The following ANKRD28 variants were observed in gnomAD, a reference collection of about 807,000 sequenced individuals.
The protein encoded by ANKRD28 is ankyrin repeat domain 28.
A neutral mutation model predicts 126.5 loss-of-function variants in ANKRD28; 44 were observed. The observed-to-expected ratio is 0.35, with a 90% CI of 0.27 to 0.45. The LOEUF is 0.45. ANKRD28 is among the 20% of genes least tolerant of loss of function. The pLI, the probability that ANKRD28 is intolerant of heterozygous loss-of-function variation, is 1.00. For missense variants in ANKRD28, 1,110 were observed against 1,316.6 expected (o/e 0.84, Z 2.43); for synonymous variants, 442 against 468.5 (o/e 0.94, Z 0.73).
At chr3:15,855,514 A>C (rs894891725) in intron 1 of ANKRD28, among the ~76,000 whole-genome samples, 2 of 152,228 alleles carry the variant, frequency 1.3e-5, no homozygotes, top group Non-Finnish European at 2.9e-5. Context: ...ACAGAAATAA[A>C]TACTATCCCA....
At chr3:15,780,944 AT>A (rs1296711027) in intron 2 of ANKRD28, among the ~76,000 whole-genome samples, 1 of 152,108 alleles carries the variant, frequency 6.6e-6, no homozygotes, top group African/African-American at 2.4e-5. Context: ...AGACTTAAAT[AT>A]AAGACCTGAA....
At chr3:15,858,123 T>TACTGTATGTCTACTGAGCTAC (rs1427207059) in intron 1 of ANKRD28, among the ~76,000 whole-genome samples, 17 of 152,238 alleles carry the variant, frequency 1.1e-4, no homozygotes, top group African/African-American at 3.9e-4. Flanking sequence ...AGCCAATAGC[T>TACTGTATGTCTACTGAGCTAC]ACATATGTCT....
chr3:15,751,919 T>C, intron 3 of ANKRD28, 99 bp from the exon 4 acceptor site: 2 of 772,522 alleles, frequency 2.6e-6, no homozygotes, highest in Non-Finnish European at 3.9e-6. Context: ...ATTGGATAAA[T>C]GACAATTGAA....
intron 6 of ANKRD28, among the ~76,000 whole-genome samples, chr3:15,727,437 G>A (rs995125623): frequency 6.6e-6 from 1 of 151,558 alleles, no homozygotes; most frequent in Admixed American, 6.6e-5. Flanking sequence ...TGTGGTGGCG[G>A]GTGCCTGTAA....
rs747418032 is a variant in ANKRD28 at position 15,814,325 on chromosome 3, G to C, written c.28-19019C>G. 2.4e-6 allele frequency: 3 copies of C among 1,265,686 alleles called. No homozygotes were observed. Among genetic ancestry groups the C allele is most frequent in the Non-Finnish European group, 3.1e-6 (3 of 976,642 alleles). 78.4% of individuals were successfully genotyped at this position (1,265,686 alleles called of 1,614,324 possible). ...AATCACAGGCCTGTAGCAGAAAACA[G>C]ATATCAAAAGAAAGAATACGCTGAT... On this transcript the variant is annotated intron_variant, in intron 1 of 27. Coordinates refer to the ANKRD28 transcript ENST00000399451. This position sits in a 1 kb window ranked among gnomAD's most constrained non-coding sequence, Gnocchi z 4.7.
chr3:15,818,062 A>C (rs9827433), intron 1 of ANKRD28, among the ~76,000 whole-genome samples: 102,550 of 151,944 alleles, frequency 0.67, 35,156 homozygotes, highest in East Asian at 0.93. Flanking sequence ...TGTACAGATT[A>C]TGTATGCTGA....
At chr3:15,693,293 CA>C (rs2125857479) in intron 17 of ANKRD28, among the ~76,000 whole-genome samples, 1 of 151,752 alleles carries the variant, frequency 6.6e-6, no homozygotes, top group Admixed American at 6.6e-5. Flanking sequence ...TATACACATA[CA>C]AAATCTCTGA....
At chr3:15,750,967 T>G (rs7647752) in intron 4 of ANKRD28, among the ~76,000 whole-genome samples, 123,818 of 151,858 alleles carry the variant, frequency 0.82, 50,610 homozygotes, top group East Asian at 0.93. Context: ...GTAGGTAAAA[T>G]GGGTACTTTG....
Position 15,846,316 on chromosome 3 carries a change from C to T in ANKRD28, c.27+13061G>A, listed in dbSNP as rs569103752. Among the ~76,000 whole-genome samples the T allele has an allele frequency of 6.6e-6, 1 of 152,352 alleles. No homozygotes were observed. Among genetic ancestry groups the T allele is most frequent in the South Asian group, 2.1e-4 (1 of 4,828 alleles). On this transcript the variant is annotated intron_variant, in intron 1 of 27. Coordinates refer to the ANKRD28 transcript ENST00000399451. The surrounding 1 kb of genome is among the most constrained non-coding windows in gnomAD (Gnocchi z 5.4). ...ACTGGCCCCATGCAAGTCTGAAACCCAGCAAGGCAGTCATTAAATCTTAAA... is the reference window on the plus strand; with the variant it reads ...ACTGGCCCCATGCAAGTCTGAAACCTAGCAAGGCAGTCATTAAATCTTAAA...
chr3:15,703,587 T>C (rs915683091), intron 14 of ANKRD28, among the ~76,000 whole-genome samples: 4 of 152,254 alleles, frequency 2.6e-5, no homozygotes, highest in Non-Finnish European at 5.9e-5. Context: ...TGCTGGTGCC[T>C]TGATATTCTT....
intron 3 of ANKRD28, among the ~76,000 whole-genome samples, chr3:15,754,081 T>C (rs959704495): frequency 6.6e-6 from 1 of 152,238 alleles, no homozygotes; most frequent in Non-Finnish European, 1.5e-5. Context: ...ATAATTATTT[T>C]TATCTTATCA....
At chr3:15,826,443 A>G (rs556203146) in intron 1 of ANKRD28, among the ~76,000 whole-genome samples, 8 of 152,324 alleles carry the variant, frequency 5.3e-5, no homozygotes, top group African/African-American at 1.9e-4. Context: ...ATTTTAGAAA[A>G]CATAACAGTA....
chr3:15,731,707 G>T (rs1016075815), intron 6 of ANKRD28, among the ~76,000 whole-genome samples: 3 of 151,820 alleles, frequency 2.0e-5, no homozygotes, highest in Non-Finnish European at 2.9e-5. Context: ...AAAATTAGCT[G>T]GGCGTGGTGG....
chr3:15,780,058 C>T (rs2059472326), intron 2 of ANKRD28, among the ~76,000 whole-genome samples: 1 of 152,140 alleles, frequency 6.6e-6, no homozygotes, highest in Non-Finnish European at 1.5e-5. Flanking sequence ...CACCATAGTG[C>T]TGCAAGTCCT....
intron 1 of ANKRD28, among the ~76,000 whole-genome samples, chr3:15,809,386 G>C (rs913484928): frequency 7.2e-5 from 11 of 152,110 alleles, no homozygotes; most frequent in African/African-American, 2.4e-4. Context: ...CCTTTAAGGA[G>C]AGTCTCTGGT....
At chr3:15,720,037 T>C (rs2073530237) in intron 8 of ANKRD28, among the ~76,000 whole-genome samples, 1 of 151,996 alleles carries the variant, frequency 6.6e-6, no homozygotes, top group African/African-American at 2.4e-5. Context: ...GCCAAGCTCA[T>C]TTTCTATTTT....
Position 15,678,352 on chromosome 3 carries a change from G to A in ANKRD28, c.2564C>T (p.Thr855Ile), listed in dbSNP as rs1223654217. The A allele has an allele frequency of 1.3e-6, 2 of 1,588,690 alleles. No homozygotes were observed. Among genetic ancestry groups the A allele is most frequent in the Admixed American group, 1.9e-5 (1 of 53,942 alleles). The part of the protein sequence containing the change: ...IVNATDSKGR[T>I]PLHAAAFTDH... ...TGTGAAGGCGGCTGCATGGAGAGGAGTTCTGTGATAAAGAAAAATTGAAAT... is the reference window on the plus strand; with the variant it reads ...TGTGAAGGCGGCTGCATGGAGAGGAATTCTGTGATAAAGAAAAATTGAAAT... Residue 855 changes from threonine (T) to isoleucine (I), a missense_variant and splice_region_variant, in exon 24 of 28, where the codon ACT becomes ATT. Physicochemically the swap from Thr to Ile is moderately conservative, Grantham distance 89 (BLOSUM62 -1). Transcript: ENST00000683139.
chr3:15,844,470 A>T (rs2061489098), intron 1 of ANKRD28, among the ~76,000 whole-genome samples: 1 of 152,108 alleles, frequency 6.6e-6, no homozygotes, highest in Non-Finnish European at 1.5e-5. Context: ...AAAACACCTC[A>T]ATTTCAAAAC....
At chr3:15,775,861 T>C (rs2059240324) in intron 2 of ANKRD28, among the ~76,000 whole-genome samples, 1 of 152,162 alleles carries the variant, frequency 6.6e-6, no homozygotes, top group African/African-American at 2.4e-5. Flanking sequence ...GCATGACTGA[T>C]TAAATAACTG....
Sources: gnomAD v4.1 joint callset for allele counts (sites outside exome capture counted in the v4.1 genomes callset) on GRCh38, gnomAD v4.1.1 for gene constraint, Gnocchi (gnomAD v3.1) non-coding constraint, MANE v1.5 for transcripts, NCBI Gene and HGNC (gene_info 2026-07-23, HGNC 2026-07-21) for gene names.